PRXL2A: variants seen among roughly 807,000 people sequenced by gnomAD.
PRXL2A encodes peroxiredoxin-like 2A.
Under a neutral mutation model 25.6 loss-of-function variants are expected in PRXL2A, and 26 were observed. That is an observed-to-expected ratio of 1.02 (90% CI 0.74 to 1.41). The LOEUF is 1.41. Among genes scored for constraint, PRXL2A ranks in the 40% most tolerant of loss-of-function variants. PRXL2A has a pLI of 0.00. For synonymous variants in PRXL2A, 98 were observed against 102.9 expected (o/e 0.95, Z 0.29); for missense variants, 246 against 273.9 (o/e 0.90, Z 0.72).
chr10:80,428,758 A>G (rs750533094), intron 5 of PRXL2A, among the ~76,000 whole-genome samples: 32 of 152,204 alleles, frequency 2.1e-4, no homozygotes, highest in Non-Finnish European at 4.3e-4. Context: ...AATTTTGGAC[A>G]TGACATTAAC....
intron 1 of PRXL2A, among the ~76,000 whole-genome samples, chr10:80,409,393 C>T (rs1564686373): frequency 3.9e-5 from 6 of 152,170 alleles, no homozygotes; most frequent in African/African-American, 2.4e-5. Flanking sequence ...GAGGCACACC[C>T]GGGAGTCCAC....
chr10:80,417,521 T>G (rs947969197), intron 1 of PRXL2A, among the ~76,000 whole-genome samples: 2 of 152,112 alleles, frequency 1.3e-5, no homozygotes, highest in African/African-American at 4.8e-5. Context: ...GCTAGGTGAT[T>G]AAAGAGACAA....
intron 2 of PRXL2A, among the ~76,000 whole-genome samples, chr10:80,421,344 C>G (rs1343451596): frequency 1.3e-5 from 2 of 152,188 alleles, no homozygotes; most frequent in Non-Finnish European, 2.9e-5. Context: ...GCTGTGTGCT[C>G]TCAGTGTTAG....
chr10:80,419,965 A>AT, intron 1 of PRXL2A: 2 of 985,432 alleles, frequency 2.0e-6, no homozygotes, highest in Non-Finnish European at 2.4e-6. Flanking sequence ...AGGAAAGAAG[A>AT]TAGGGGAACA....
chr10:80,422,966 C>T (rs1216719130), intron 3 of PRXL2A, among the ~76,000 whole-genome samples: 1 of 152,198 alleles, frequency 6.6e-6, no homozygotes, highest in Non-Finnish European at 1.5e-5. Context: ...GTCTCTCTTT[C>T]CTTGGGGAGC....
At chr10:80,426,412 TAAG>T (rs527468996) in intron 4 of PRXL2A, among the ~76,000 whole-genome samples, 212 of 152,374 alleles carry the variant, frequency 1.4e-3, no homozygotes, top group African/African-American at 4.7e-3. Flanking sequence ...TGTAGGTTAA[TAAG>T]AGTGTTCTGA....
chr10:80,430,914 G>A (rs766458711), intron 5 of PRXL2A, among the ~76,000 whole-genome samples: 58 of 152,142 alleles, frequency 3.8e-4, no homozygotes, highest in Middle Eastern at 3.4e-3. Flanking sequence ...TGTTTAGATG[G>A]AGTCTTGCTC....
chr10:80,418,555 C>T (rs985302509), intron 1 of PRXL2A, among the ~76,000 whole-genome samples: 6 of 152,136 alleles, frequency 3.9e-5, no homozygotes, highest in South Asian at 2.1e-4. Flanking sequence ...CATCCTCTCC[C>T]GGCCAAGTCC....
intron 1 of PRXL2A, among the ~76,000 whole-genome samples, chr10:80,409,470 C>T (rs1348707402): frequency 6.6e-6 from 1 of 152,222 alleles, no homozygotes; most frequent in Non-Finnish European, 1.5e-5. Context: ...GTCTGCACAG[C>T]CCAGCAACCC....
At chr10:80,426,758 GA>G (rs768833638) in intron 4 of PRXL2A, among the ~76,000 whole-genome samples, 26 of 152,228 alleles carry the variant, frequency 1.7e-4, no homozygotes, top group Non-Finnish European at 3.8e-4. Flanking sequence ...GGTAGAGTCA[GA>G]ATTGAAAGCT....
chr10:80,430,294 G>A (rs1845206964), intron 5 of PRXL2A, among the ~76,000 whole-genome samples: 1 of 151,944 alleles, frequency 6.6e-6, no homozygotes, highest in African/African-American at 2.4e-5. Context: ...TAGAGGCAGG[G>A]TGTCACCATG....
At chr10:80,428,494 T>A (rs1291573847) in intron 5 of PRXL2A, among the ~76,000 whole-genome samples, 1 of 152,116 alleles carries the variant, frequency 6.6e-6, no homozygotes, top group African/African-American at 2.4e-5. Context: ...CAAAATCCCA[T>A]CTCTACTAAA....
At chr10:80,414,345 C>G (rs965665227) in intron 1 of PRXL2A, among the ~76,000 whole-genome samples, 1 of 152,070 alleles carries the variant, frequency 6.6e-6, no homozygotes, top group Admixed American at 6.6e-5. Flanking sequence ...TGTAAACAAC[C>G]CTACTATTCT....
At position 80,408,637 on chromosome 10, in the gene PRXL2A, A is replaced by G. The variant is rs1321470535; in HGVS notation, c.-9A>G. ...GGTAAAAGGCCGGCAGAAGGGAGGCACTTGAGGTAGGTGCTGCGCGCCGGG... is the reference window on the plus strand; with the variant it reads ...GGTAAAAGGCCGGCAGAAGGGAGGCGCTTGAGGTAGGTGCTGCGCGCCGGG... On this transcript the variant is annotated 5_prime_UTR_variant, in exon 1 of 6. Coordinates refer to ENST00000606162, the MANE Select transcript of PRXL2A (RefSeq NM_032333.5). The G allele has an allele frequency of 6.6e-6, 1 of 152,332 alleles. No individual in the cohort carries two copies. The highest frequency in any genetic ancestry group is 1.5e-5 in the Non-Finnish European group (1 of 68,176). The allele number at this position is 152,332 out of a possible 1,614,324, so 9.4% of individuals were successfully genotyped here.
intron 3 of PRXL2A, among the ~76,000 whole-genome samples, chr10:80,424,632 G>A (rs1338980898): frequency 1.3e-5 from 2 of 151,562 alleles, no homozygotes; most frequent in Admixed American, 6.6e-5. Flanking sequence ...TTGGGAGGCC[G>A]AGGCAGGTGG....
intron 1 of PRXL2A, 98 bp from the exon 2 acceptor site, chr10:80,420,368 C>G: frequency 6.7e-7 from 1 of 1,500,430 alleles, no homozygotes; most frequent in Non-Finnish European, 8.9e-7. Flanking sequence ...CTGTCCTGAC[C>G]TCCTGGTTGG....
chr10:80,424,571 C>CAA (rs35230786), intron 3 of PRXL2A, among the ~76,000 whole-genome samples: 31 of 133,264 alleles, frequency 2.3e-4, no homozygotes, highest in South Asian at 1.2e-3. Flanking sequence ...GGGCAAGACT[C>CAA]AAAAAAAAAA....
rs1482783000 is a variant in PRXL2A at position 80,436,959 on chromosome 10, G to A, written c.*4860G>A. ...TTCCCCTCTCAGTCTATTACTATTA[G>A]ATCATACCCTTCTTGTCCAATCATA... On this transcript the variant is annotated 3_prime_UTR_variant, in exon 6 of 6. Transcript: ENST00000606162. The A allele has an allele frequency of 6.6e-6, 1 of 152,208 alleles. No homozygotes were observed. Among genetic ancestry groups the A allele is most frequent in the Non-Finnish European group, 1.5e-5 (1 of 68,070 alleles). The allele number at this position is 152,208 out of a possible 1,614,324, so 9.4% of individuals were successfully genotyped here.
In PRXL2A at chr10:80,427,507, G is replaced by C; in HGVS notation, c.576+11G>C. 1 of 1,613,786 alleles carries C rather than the reference G, an allele frequency of 6.2e-7. No individual in the cohort carries two copies. Among genetic ancestry groups the C allele is most frequent in the Non-Finnish European group, 8.5e-7 (1 of 1,179,840 alleles). On this transcript the variant is annotated intron_variant, in intron 5 of 5. Transcript: ENST00000606162. Reference sequence around the variant, plus strand: ...GGATCAGGAAAGCAGGTGAGTTCTTGGTGTTTACTTGTGGTCTGTAGGTGT... The same window carrying C: ...GGATCAGGAAAGCAGGTGAGTTCTTCGTGTTTACTTGTGGTCTGTAGGTGT...
Sources: allele counts gnomAD v4.1 joint callset (sites outside exome capture counted in the v4.1 genomes callset), GRCh38; gene constraint gnomAD v4.1.1; transcripts MANE v1.5; gene names NCBI Gene and HGNC (gene_info 2026-07-23, HGNC 2026-07-21).